The following NOC2L variants were observed in gnomAD, a reference collection of about 807,000 sequenced individuals.
NOC2L encodes nucleolar complex protein 2 homolog.
A neutral mutation model predicts 94.2 loss-of-function variants in NOC2L; 101 were observed. The observed-to-expected ratio is 1.07, with a 90% CI of 0.91 to 1.26. The LOEUF (loss-of-function observed/expected upper bound fraction) is 1.26. Among genes scored for constraint, NOC2L ranks in the 50% most tolerant of loss-of-function variants. NOC2L has a pLI of 0.00. For synonymous variants in NOC2L, 531 were observed against 413.4 expected (o/e 1.28, Z -3.45); for missense variants, 1,076 against 980.1 (o/e 1.10, Z -1.31).
At chr1:952,294 G>C (rs1165422070) in intron 10 of NOC2L, 118 bp downstream of exon 10, 25 of 1,423,230 alleles carry the variant, frequency 1.8e-5, no homozygotes, top group Non-Finnish European at 2.4e-5. Flanking sequence ...ACTGCACCAG[G>C]GTGCTGGGCT....
intron 7 of NOC2L, 50 bp from the exon 8 acceptor site, chr1:953,942 AC>A (rs1553161696): frequency 6.2e-7 from 1 of 1,605,642 alleles, no homozygotes; most frequent in African/African-American, 1.3e-5. Context: ...ATTCTGGGAT[AC>A]AAAAAAGGAC....
At chr1:949,866 TGGACCCAGCAACCTGG>T (rs1262768616) in intron 12 of NOC2L, among the ~76,000 whole-genome samples, 1 of 152,160 alleles carries the variant, frequency 6.6e-6, no homozygotes, top group East Asian at 1.9e-4. Context: ...CCATACCTTC[TGGACCCAGCAACCTGG>T]GGACCCAGCC....
At chr1:948,047 G>A (rs571539023) in intron 14 of NOC2L, 84 bp downstream of exon 14, 3 of 1,105,248 alleles carry the variant, frequency 2.7e-6, no homozygotes, top group Admixed American at 2.1e-5. Flanking sequence ...CCGGGACAAG[G>A]GCACCTCCTA....
chr1:957,815 A>ATAC, intron 2 of NOC2L: 2 of 159,920 alleles, frequency 1.3e-5, no homozygotes, highest in Non-Finnish European at 2.8e-5. Flanking sequence ...CTGTTTTACG[A>ATAC]GGCAATCTTA....
In NOC2L at chr1:944,700, G is replaced by A. The variant is rs771169329; in HGVS notation, c.2244C>T (p.Asp748=). The change falls in exon 19 of 19, where the codon GAC becomes GAT. Residue 748 remains aspartate (D), a synonymous_variant. Transcript: ENST00000327044. ...DELEDLQLSE[D]D is the part of the protein sequence containing the mutation. Reference sequence around the variant, plus strand: ...GCCCCCCAGATGGGCTGCCTCAGTCGTCCTCTGAGAGCTGCAGATCCTCCA... The same window carrying A: ...GCCCCCCAGATGGGCTGCCTCAGTCATCCTCTGAGAGCTGCAGATCCTCCA... 1.8e-5 allele frequency: 29 copies of A among 1,594,230 alleles called. No individual in the cohort carries two copies. The highest frequency in any genetic ancestry group is 2.0e-5 in the Non-Finnish European group (24 of 1,175,174).
chr1:958,990 T>C lies in NOC2L; in HGVS notation c.118A>G (p.Thr40Ala). The C allele has an allele frequency of 6.2e-7, 1 of 1,612,684 alleles. No homozygotes were observed. The highest frequency in any genetic ancestry group is 8.5e-7 in the Non-Finnish European group (1 of 1,179,946). ...CGGGCAGCCTCGCGTGCTTCCCGTG[T>C]CTCCGCTTGTGGAGAATTTTCGGAC... The part of the protein sequence containing the change: ...SESENSPQAE[T>A]REAREAARSP... The change falls in exon 2 of 19, where the codon ACA becomes GCA. Residue 40 changes from threonine to alanine, a missense_variant. Transcript: ENST00000327044.
chr1:954,333 C>A (rs13303051), intron 6 of NOC2L: 448,125 of 487,576 alleles, frequency 0.92, 206,242 homozygotes, highest in East Asian at 0.94. Flanking sequence ...GGTTGGCCAC[C>A]GCCCTAAGAG....
intron 14 of NOC2L, among the ~76,000 whole-genome samples, chr1:947,388 A>C (rs1642142848): frequency 6.6e-6 from 1 of 152,096 alleles, no homozygotes; most frequent in African/African-American, 2.4e-5. Context: ...GTACACACAC[A>C]TGCACACACC....
rs1015619116 is a variant in NOC2L at position 951,805 on chromosome 1, G to A, written c.1331+195C>T. ...TGTTGGAGGAGCTCATGTCACAGGT[G>A]CCCACCAGCCCTAGCTCTCCAGAAT... On this transcript the variant is annotated intron_variant, in intron 11 of 18. Transcript: ENST00000327044. Among the ~76,000 whole-genome samples the A allele has an allele frequency of 5.9e-5, 9 of 152,224 alleles. No homozygotes were observed. In the East Asian group the frequency reaches 1.5e-3, roughly 26 times the overall value.
chr1:957,449 C>G (rs1469723500), intron 2 of NOC2L, 176 bp from the exon 3 acceptor site: 4 of 622,390 alleles, frequency 6.4e-6, no homozygotes, highest in Non-Finnish European at 8.4e-6. Flanking sequence ...ACAACATACC[C>G]TCAAACACAC....
At chr1:955,898 C>G (rs371915365) in intron 6 of NOC2L, 25 bp downstream of exon 6, 1 of 1,562,140 alleles carries the variant, frequency 6.4e-7, no homozygotes, top group Non-Finnish European at 8.8e-7. Flanking sequence ...TCCACCCTAC[C>G]CCCCTTCACC....
Position 946,467 on chromosome 1 carries a change from T to C in NOC2L, c.1738A>G (p.Asn580Asp), listed in dbSNP as rs1642121270. 1 of 1,613,156 alleles carries C rather than the reference T, an allele frequency of 6.2e-7. No individual in the cohort carries two copies. Among genetic ancestry groups the C allele is most frequent in the Non-Finnish European group, 8.5e-7 (1 of 1,180,006 alleles). The change falls in exon 15 of 19, where the codon AAC (asparagine) becomes GAC (aspartate). Residue 580 changes from asparagine (N) to aspartate (D), a missense_variant. Asn to Asp is a conservative substitution (Grantham distance 23, BLOSUM62 1). Coordinates refer to ENST00000327044, the MANE Select transcript of NOC2L (RefSeq NM_015658.4). ...CGGCGGCTGCAGATGTATGCCGAGTTCTCCTGAACCTTCCCAAGCAGCTGC... is the reference window on the plus strand; with the variant it reads ...CGGCGGCTGCAGATGTATGCCGAGTCCTCCTGAACCTTCCCAAGCAGCTGC... ...VQQLLGKVQE[N>D]SAYICSRRQR...
At chr1:959,152 A>C (rs1161862522) in intron 1 of NOC2L, 63 bp downstream of exon 1, 9 of 1,611,934 alleles carry the variant, frequency 5.6e-6, no homozygotes, top group Non-Finnish European at 7.6e-6. Context: ...AGGAGCAAGA[A>C]AAGCCCCCTT....
chr1:955,275 G>A (rs944863638), intron 6 of NOC2L, among the ~76,000 whole-genome samples: 8 of 152,234 alleles, frequency 5.3e-5, no homozygotes, highest in Admixed American at 2.6e-4. Flanking sequence ...CTCCTGAGCC[G>A]CTGTCGGCGA....
chr1:956,339 G>C (rs181956093), intron 4 of NOC2L, 124 bp from the exon 5 acceptor site: 7 of 1,086,770 alleles, frequency 6.4e-6, no homozygotes, highest in Non-Finnish European at 9.3e-6. Flanking sequence ...AGGTTGGGGG[G>C]AGGCACAGAG....
intron 4 of NOC2L, among the ~76,000 whole-genome samples, chr1:956,439 G>A (rs1642402979): frequency 6.6e-6 from 1 of 152,118 alleles, no homozygotes. Flanking sequence ...AAAAGGACTG[G>A]GAGTTCCAGA....
At chr1:946,001 G>A (rs1642097398) in intron 16 of NOC2L, among the ~76,000 whole-genome samples, 172 bp downstream of exon 16, 1 of 152,206 alleles carries the variant, frequency 6.6e-6, no homozygotes, top group Non-Finnish European at 1.5e-5. Flanking sequence ...GGAAACGCCT[G>A]GTTCTGGCCA....
chr1:953,928 A>T (rs766691737), intron 7 of NOC2L, 36 bp from the exon 8 acceptor site: 52 of 1,608,402 alleles, frequency 3.2e-5, no homozygotes, highest in Non-Finnish European at 1.9e-5. Context: ...CCCCAAACCC[A>T]TGTATTCTGG....
At chr1:952,361 G>A in intron 10 of NOC2L, 51 bp downstream of exon 10, 1 of 1,596,292 alleles carries the variant, frequency 6.3e-7, no homozygotes, top group Non-Finnish European at 8.6e-7. Flanking sequence ...CGGGCACCTG[G>A]GCTGCCCCAC....
Sources: allele counts gnomAD v4.1 joint callset (sites outside exome capture counted in the v4.1 genomes callset), GRCh38; gene constraint gnomAD v4.1.1; transcripts MANE v1.5; gene names NCBI Gene and HGNC (gene_info 2026-07-23, HGNC 2026-07-21).